CELSR2: variants seen among roughly 807,000 people sequenced by gnomAD.
CELSR2 encodes the protein EGF-like protein 2.
A neutral mutation model predicts 251.6 loss-of-function variants in CELSR2; 81 were observed. The observed-to-expected ratio is 0.32, with a 90% CI of 0.27 to 0.39. The LOEUF (loss-of-function observed/expected upper bound fraction) is 0.39. Among genes scored for constraint, CELSR2 ranks in the 10% least tolerant of loss-of-function variants. The probability of loss-of-function intolerance (pLI) is 1.00; values close to 1 mark genes in which losing one functional copy is unlikely to be tolerated. For synonymous variants in CELSR2, 1,721 were observed against 1,670.5 expected, an observed-to-expected ratio of 1.03 and a Z score of -0.74; for missense variants, 3,365 against 3,947.7, an observed-to-expected ratio of 0.85 and a Z score of 3.96.
In CELSR2 at chr1:109,261,811, A is replaced by G. The variant is rs1360288271; in HGVS notation, c.4301A>G (p.Glu1434Gly). The G allele has an allele frequency of 1.3e-6, 2 of 1,590,694 alleles. No homozygotes were observed. Among genetic ancestry groups the G allele is most frequent in the Non-Finnish European group, 1.7e-6 (2 of 1,167,024 alleles). ...GCTCACCTGGTCCTTTCCCCAGGGGAGTCAACCACCACGGTGTCCCCATTC... is the reference window on the plus strand; with the variant it reads ...GCTCACCTGGTCCTTTCCCCAGGGGGGTCAACCACCACGGTGTCCCCATTC... Reference protein sequence around the residue: ...EQVQLTFSAGESTTTVSPFVP... With the variant: ...EQVQLTFSAGGSTTTVSPFVP... Residue 1434 changes from glutamate to glycine, a missense_variant, in exon 5 of 34, where the codon GAG becomes GGG. This residue lies in a region of CELSR2 where 2,093 missense variants were observed against 2,382.8 expected (regional missense o/e 0.88). Coordinates refer to ENST00000271332, the MANE Select transcript of CELSR2 (RefSeq NM_001408.3). The surrounding 1 kb of genome is among the most constrained non-coding windows in gnomAD (Gnocchi z 4.8).
rs201172990 is a variant in CELSR2 at position 109,263,604 on chromosome 1, T to G, written c.4835-7T>G. ...CCGTCACAGTCTGCCTTTTCCTGCC[T>G]CCCCAGAAATGGCCAATCCACAGCA... On this transcript the variant is annotated splice_polypyrimidine_tract_variant and splice_region_variant and intron_variant, in intron 8 of 33. Transcript: ENST00000271332. The G allele has an allele frequency of 1.2e-4, 201 of 1,613,084 alleles. No homozygotes were observed. Among genetic ancestry groups the G allele is most frequent in the Non-Finnish European group, 1.6e-4 (184 of 1,179,490 alleles).
Position 109,251,892 on chromosome 1 carries a change from G to A in CELSR2, c.1813G>A (p.Asp605Asn), listed in dbSNP as rs1407401891. The change falls in exon 1 of 34, where the codon GAC becomes AAC. Residue 605 changes from aspartate to asparagine, a missense_variant. Physicochemically the swap from Asp to Asn is conservative, Grantham distance 23. This residue lies in a region of CELSR2 where 60 missense variants were observed against 104.8 expected (regional missense o/e 0.57). Transcript: ENST00000271332. The surrounding 1 kb of genome is among the most constrained non-coding windows in gnomAD (Gnocchi z 4.9). ...SVSVTVLDVN[D>N]NNPTFTQPEY... is the part of the protein sequence containing the mutation. Reference sequence around the variant, plus strand: ...CAGCGTGACTGTCCTGGATGTCAACGACAACAATCCAACCTTTACCCAACC... The same window carrying A: ...CAGCGTGACTGTCCTGGATGTCAACAACAACAATCCAACCTTTACCCAACC... The A allele has an allele frequency of 1.9e-6, 3 of 1,614,038 alleles. No individual in the cohort carries two copies. Among genetic ancestry groups the A allele is most frequent in the Admixed American group, 1.7e-5 (1 of 60,028 alleles).
In CELSR2 at chr1:109,267,795, C is replaced by T. The variant is rs975834024; in HGVS notation, c.6109-56C>T. 108 of 1,582,608 alleles carry T rather than the reference C, an allele frequency of 6.8e-5. No homozygotes were observed. In the African/African-American group the frequency reaches 1.0e-3, roughly 15 times the overall value. On this transcript the variant is annotated intron_variant, in intron 16 of 33. Coordinates refer to ENST00000271332, the MANE Select transcript of CELSR2 (RefSeq NM_001408.3). ...GAGGCCGTCTCTCACCTCCTGAGGT[C>T]CTTTTGCTCCAGAGTTCCTGCCCTC...
rs778934592 is a variant in CELSR2 at position 109,268,050 on chromosome 1, A to T, written c.6308A>T (p.His2103Leu). ...GFGLSATQDV[H>L]FTENLLRVGS... Reference sequence around the variant, plus strand: ...GGGCTGTCTGCCACACAGGACGTGCACTTCACTGAGGTGGGGCTTGGAGGA... The same window carrying T: ...GGGCTGTCTGCCACACAGGACGTGCTCTTCACTGAGGTGGGGCTTGGAGGA... Residue 2103 changes from histidine to leucine, a missense_variant, in exon 17 of 34, where the codon CAC becomes CTC. Physicochemically the swap from His to Leu is moderately conservative, Grantham distance 99. Coordinates refer to ENST00000271332, the MANE Select transcript of CELSR2 (RefSeq NM_001408.3). 12 of 1,597,428 alleles carry T rather than the reference A, an allele frequency of 7.5e-6. No homozygotes were observed.
rs1656514460 is a variant in CELSR2, at chr1:109,275,723, C to T, written c.*1674C>T. On this transcript the variant is annotated 3_prime_UTR_variant, in exon 34 of 34. Transcript: ENST00000271332. ...TGTTGTTGTTTTTTCATGCCCCATA[C>T]TACTGAATAAACTAGTTCTGTGCGG... The T allele has an allele frequency of 4.6e-5, 7 of 152,270 alleles. No homozygotes were observed. Among genetic ancestry groups the T allele is most frequent in the Admixed American group, 4.6e-4 (7 of 15,290 alleles). The allele number at this position is 152,270 out of a possible 1,614,324, so 9.4% of individuals were successfully genotyped here.
intron 15 of CELSR2, among the ~76,000 whole-genome samples, chr1:109,266,914 G>A (rs1413104013): frequency 1.3e-5 from 2 of 150,744 alleles, no homozygotes; most frequent in African/African-American, 4.9e-5. Context: ...GTAGAGACAG[G>A]GTTTCACCAT....
At chr1:109,270,835 C>A in intron 24 of CELSR2, 92 bp from the exon 25 acceptor site, 1 of 1,032,810 alleles carries the variant, frequency 9.7e-7, no homozygotes, top group Non-Finnish European at 1.5e-6. Context: ...TTCCATGCTT[C>A]ATGCCTGGCC....
Position 109,250,349 on chromosome 1 carries a change from G to A in CELSR2, c.270G>A (p.Leu90=). The change falls in exon 1 of 34, where the codon CTG becomes CTA. Residue 90 remains leucine (L), a synonymous_variant. Transcript: ENST00000271332. The surrounding 1 kb of genome is among the most constrained non-coding windows in gnomAD (Gnocchi z 4.4). ...TGHLVPHHDG[L]RVWCPESEAH... is the part of the protein sequence containing the mutation. ...ACCTGGTACCCCACCACGATGGCCT[G>A]AGGGTTTGGTGTCCAGAATCCGAGG... The A allele has an allele frequency of 1.2e-6, 2 of 1,613,526 alleles. No individual in the cohort carries two copies. Among genetic ancestry groups the A allele is most frequent in the Non-Finnish European group, 1.7e-6 (2 of 1,180,026 alleles).
At chr1:109,260,979 G>A (rs1656003772) in intron 2 of CELSR2, 63 bp from the exon 3 acceptor site, 1 of 1,309,606 alleles carries the variant, frequency 7.6e-7, no homozygotes, top group Non-Finnish European at 1.1e-6. Context: ...TGGGTTGTGG[G>A]GGGTCTCAGT....
At chr1:109,260,948 G>T in intron 2 of CELSR2, 94 bp from the exon 3 acceptor site, 1 of 915,786 alleles carries the variant, frequency 1.1e-6, no homozygotes, top group East Asian at 2.5e-5. Context: ...GAGGGTCACG[G>T]GAGGCCATGG....
At chr1:109,259,142 A>G in intron 2 of CELSR2, 63 bp downstream of exon 2, 1 of 1,340,900 alleles carries the variant, frequency 7.5e-7, no homozygotes, top group Non-Finnish European at 1.0e-6. Context: ...TGCAGGCACA[A>G]ATCAGGACAA....
At chr1:109,263,818 G>A in intron 9 of CELSR2, 41 bp downstream of exon 9, 5 of 1,599,236 alleles carry the variant, frequency 3.1e-6, no homozygotes, top group Non-Finnish European at 4.3e-6. Flanking sequence ...CTGGCCATAG[G>A]GCCCTGGTAG....
Position 109,265,324 on chromosome 1 carries a change from A to G in CELSR2, c.5727+13A>G. The G allele has an allele frequency of 6.3e-7, 1 of 1,590,652 alleles. No homozygotes were observed. On this transcript the variant is annotated intron_variant, in intron 13 of 33. Transcript: ENST00000271332. Reference sequence around the variant, plus strand: ...GTGCCACTGCAAGGTGACAGCCCCAAGCAAGCCTCCACTGTGGCCACTTGG... The same window carrying G: ...GTGCCACTGCAAGGTGACAGCCCCAGGCAAGCCTCCACTGTGGCCACTTGG...
At chr1:109,265,945 C>T (rs746088587) in intron 14 of CELSR2, 27 bp downstream of exon 14, 1 of 1,603,880 alleles carries the variant, frequency 6.2e-7, no homozygotes, top group Non-Finnish European at 8.5e-7. Flanking sequence ...GGGTGGGCAG[C>T]CCTCCTTACA....
intron 1 of CELSR2, among the ~76,000 whole-genome samples, chr1:109,254,171 G>A (rs1245709717): frequency 1.3e-5 from 2 of 152,240 alleles, no homozygotes; most frequent in African/African-American, 4.8e-5. Context: ...CTGTTCTTAG[G>A]GTGCCAGGCC....
At chr1:109,265,554 T>A (rs1456295876) in intron 13 of CELSR2, among the ~76,000 whole-genome samples, 181 bp from the exon 14 acceptor site, 1 of 152,194 alleles carries the variant, frequency 6.6e-6, no homozygotes, top group African/African-American at 2.4e-5. Context: ...CTGTTCTGAT[T>A]CTGTGACATC....
At position 109,269,236 on chromosome 1, in the gene CELSR2, G is replaced by A. The variant is rs150344250; in HGVS notation, c.6758G>A (p.Arg2253His). 1.2e-3 allele frequency: 1,935 copies of A among 1,612,750 alleles called. 3 individuals are homozygous for A. Among genetic ancestry groups the A allele is most frequent in the Non-Finnish European group, 1.5e-3 (1,786 of 1,179,902 alleles). ...GEAVASVIIY[R>H]TLAGLLPHNY... ...GCTGTGGCCAGCGTCATCATCTACC[G>A]CACCCTGGCCGGGCTACTGCCTCAT... The change falls in exon 20 of 34, where the codon CGC becomes CAC. Residue 2253 changes from arginine to histidine, a missense_variant. Arg to His is a conservative substitution (Grantham distance 29). Transcript: ENST00000271332. The surrounding 1 kb of genome is among the most constrained non-coding windows in gnomAD (Gnocchi z 6.4).
intron 2 of CELSR2, among the ~76,000 whole-genome samples, chr1:109,259,843 C>G (rs1457801384): frequency 6.6e-6 from 1 of 152,160 alleles, no homozygotes; most frequent in Non-Finnish European, 1.5e-5. Flanking sequence ...CAGCCAAGGT[C>G]TTTACACATC....
rs1260300842 is a variant in CELSR2 at position 109,262,335 on chromosome 1, G to A, written c.4435G>A (p.Val1479Met). The change falls in exon 6 of 34, where the codon GTG becomes ATG. Residue 1479 changes from valine to methionine, a missense_variant. Transcript: ENST00000271332. ...GLPQGPSEQK[V>M]AVVTVDGCDT... is the part of the protein sequence containing the mutation. ...CCCACAGGGCCCATCAGAGCAGAAG[G>A]TGGCTGTGGTGACCGTGGATGGCTG... 1.1e-5 allele frequency: 17 copies of A among 1,614,062 alleles called. No homozygotes were observed. The highest frequency in any genetic ancestry group is 2.2e-5 in the East Asian group (1 of 44,898).
Sources: gnomAD v4.1 joint callset for allele counts (sites outside exome capture counted in the v4.1 genomes callset) on GRCh38, gnomAD v4.1.1 for gene constraint, gnomAD v4.1.1 regional missense constraint, Gnocchi (gnomAD v3.1) non-coding constraint, MANE v1.5 for transcripts, NCBI Gene and HGNC (gene_info 2026-07-23, HGNC 2026-07-21) for gene names.